Variants in NR3C2 observed in about 807,000 individuals in gnomAD.
The protein encoded by NR3C2 is nuclear receptor subfamily 3 group C member 2, also known as mineralocorticoid receptor.
Under a neutral mutation model 86.4 loss-of-function variants are expected in NR3C2, and 15 were observed. That is an observed-to-expected ratio of 0.17 (90% CI 0.12 to 0.27). NR3C2 has a LOEUF of 0.27. Among genes scored for constraint, NR3C2 ranks in the 10% least tolerant of loss-of-function variants. The probability of loss-of-function intolerance (pLI) is 1.00; values close to 1 mark genes in which losing one functional copy is unlikely to be tolerated. For synonymous variants in NR3C2, 458 were observed against 450.5 expected (o/e 1.02, Z -0.21); for missense variants, 960 against 1,195.6 (o/e 0.80, Z 2.91).
At chr4:148,393,219 T>G (rs1329322135) in intron 2 of NR3C2, among the ~76,000 whole-genome samples, 2 of 152,196 alleles carry the variant, frequency 1.3e-5, no homozygotes, top group Non-Finnish European at 2.9e-5. Context: ...CCTGACATTT[T>G]TTAGTAGGGA....
At chr4:148,247,415 T>C (rs1739369447) in intron 3 of NR3C2, among the ~76,000 whole-genome samples, 1 of 152,170 alleles carries the variant, frequency 6.6e-6, no homozygotes, top group Non-Finnish European at 1.5e-5. Context: ...GTGAACTGAG[T>C]TCAGTAGTGG....
At chr4:148,265,647 A>G (rs1264987830) in intron 2 of NR3C2, among the ~76,000 whole-genome samples, 1 of 152,240 alleles carries the variant, frequency 6.6e-6, no homozygotes, top group Non-Finnish European at 1.5e-5. Flanking sequence ...ACTTAATCAG[A>G]TAAAAGCTTC....
At chr4:148,381,946 CACT>C (rs1747014081) in intron 2 of NR3C2, among the ~76,000 whole-genome samples, 1 of 152,176 alleles carries the variant, frequency 6.6e-6, no homozygotes, top group African/African-American at 2.4e-5. Context: ...TTTCCCACAC[CACT>C]GTCATTTACC....
At chr4:148,088,931 GTAGT>G (rs1457487010) in intron 8 of NR3C2, among the ~76,000 whole-genome samples, 3 of 151,788 alleles carry the variant, frequency 2.0e-5, no homozygotes, top group Non-Finnish European at 4.4e-5. Context: ...TAATTTTTCT[GTAGT>G]TAGTTCTATA....
chr4:148,237,227 TTTAAC>T (rs1224865938), intron 3 of NR3C2, among the ~76,000 whole-genome samples: 1 of 152,148 alleles, frequency 6.6e-6, no homozygotes, highest in Non-Finnish European at 1.5e-5. Context: ...AACTGGACAA[TTTAAC>T]TTTTTAAGAG....
At chr4:148,370,130 AC>A (rs1263870731) in intron 2 of NR3C2, among the ~76,000 whole-genome samples, 1 of 152,188 alleles carries the variant, frequency 6.6e-6, no homozygotes, top group African/African-American at 2.4e-5. Flanking sequence ...GTGCAAGACA[AC>A]TGGCCAGAGT....
In NR3C2 at chr4:148,323,600, C is replaced by T. The variant is rs961813039; in HGVS notation, c.1758-63483G>A. ...CTCGTGGTGCGCCGTTTTTTCAGCCCGTCGGAAAAGCGCAGTATTCGGGTG... is the reference window on the plus strand; with the variant it reads ...CTCGTGGTGCGCCGTTTTTTCAGCCTGTCGGAAAAGCGCAGTATTCGGGTG... On this transcript the variant is annotated intron_variant, in intron 2 of 8. Transcript: ENST00000358102. Among the ~76,000 whole-genome samples the T allele has an allele frequency of 3.2e-4, 48 of 152,086 alleles. 1 individual carries two copies. The highest frequency in any genetic ancestry group is 1.1e-3 in the African/African-American group (44 of 41,482).
chr4:148,169,346 T>C (rs572065474), intron 4 of NR3C2, among the ~76,000 whole-genome samples: 1 of 152,260 alleles, frequency 6.6e-6, no homozygotes, highest in African/African-American at 2.4e-5. Context: ...ATCTTGTATT[T>C]GCAGGGAGCT....
chr4:148,183,916 G>A (rs1735759898), intron 4 of NR3C2, among the ~76,000 whole-genome samples: 1 of 151,904 alleles, frequency 6.6e-6, no homozygotes. Context: ...ATGCTCCATG[G>A]CCCCAAGGGG....
At chr4:148,421,388 T>C (rs1273552895) in intron 2 of NR3C2, among the ~76,000 whole-genome samples, 1 of 152,238 alleles carries the variant, frequency 6.6e-6, no homozygotes, top group Non-Finnish European at 1.5e-5. Flanking sequence ...TATTCGTCTC[T>C]TTAAAATGTC....
chr4:148,340,423 G>A (rs1744695069), intron 2 of NR3C2, among the ~76,000 whole-genome samples: 1 of 152,100 alleles, frequency 6.6e-6, no homozygotes, highest in Non-Finnish European at 1.5e-5. Flanking sequence ...GAAAAACTGA[G>A]TAAGTACATG....
Position 148,290,453 on chromosome 4 carries a change from T to C in NR3C2, c.1758-30336A>G, listed in dbSNP as rs551196681. 3.3e-4 allele frequency among the ~76,000 whole-genome samples: 50 copies of C among 152,178 alleles called. 2 individuals carry two copies. In the South Asian group the frequency reaches 0.01, roughly 32 times the overall value. On this transcript the variant is annotated intron_variant, in intron 2 of 8. Coordinates refer to ENST00000358102, the MANE Select transcript of NR3C2 (RefSeq NM_000901.5). ...TTTTGAATTCTTGAACTACAGAAAATGTGAGATAGTAAAGGTTGTTTCAAG... is the reference window on the plus strand; with the variant it reads ...TTTTGAATTCTTGAACTACAGAAAACGTGAGATAGTAAAGGTTGTTTCAAG...
At chr4:148,136,075 A>AAAC (rs1560939989) in intron 6 of NR3C2, among the ~76,000 whole-genome samples, 1 of 42,000 alleles carries the variant, frequency 2.4e-5, no homozygotes, top group Admixed American at 2.6e-4. Flanking sequence ...AAAAAAAAAA[A>AAAC]ACAAAAAAAA....
intron 4 of NR3C2, among the ~76,000 whole-genome samples, chr4:148,187,012 A>G (rs1222613784): frequency 3.0e-5 from 2 of 66,630 alleles, no homozygotes. Context: ...ATATATATAT[A>G]TATATATATA....
chr4:148,361,863 G>C (rs1224878211), intron 2 of NR3C2, among the ~76,000 whole-genome samples: 2 of 145,134 alleles, frequency 1.4e-5, no homozygotes, highest in Non-Finnish European at 3.1e-5. Context: ...TTGAGACAGA[G>C]TTTCACTCCT....
Position 148,119,520 on chromosome 4 carries a change from G to A in NR3C2, c.2641+638C>T, listed in dbSNP as rs538315920. On this transcript the variant is annotated intron_variant, in intron 7 of 8. Coordinates refer to ENST00000358102, the MANE Select transcript of NR3C2 (RefSeq NM_000901.5). ...GTATTAAAGATATCTTTGGCCAGGC[G>A]TGGTGGCTCACGCCTATAATCTCAG... Among the ~76,000 whole-genome samples, 7 of 152,248 alleles carry A rather than the reference G, an allele frequency of 4.6e-5. No individual in the cohort carries two copies. The South Asian group carries it at 1.5e-3, about 32-fold the overall frequency.
At chr4:148,099,550 G>A (rs1479029907) in intron 8 of NR3C2, among the ~76,000 whole-genome samples, 2 of 152,172 alleles carry the variant, frequency 1.3e-5, no homozygotes, top group East Asian at 3.8e-4. Context: ...TTTTTATAGA[G>A]AAAGGAATTA....
intron 2 of NR3C2, among the ~76,000 whole-genome samples, chr4:148,371,023 T>C (rs1746390271): frequency 6.6e-6 from 1 of 152,182 alleles, no homozygotes; most frequent in African/African-American, 2.4e-5. Flanking sequence ...TGTGCCACCA[T>C]GTCTGGCTCC....
At chr4:148,321,617 T>C (rs1271877079) in intron 2 of NR3C2, among the ~76,000 whole-genome samples, 3 of 152,084 alleles carry the variant, frequency 2.0e-5, no homozygotes, top group East Asian at 1.9e-4. Context: ...GAATTGATCC[T>C]TTTACCATTA....
Sources: gnomAD v4.1 joint callset for allele counts (sites outside exome capture counted in the v4.1 genomes callset) on GRCh38, gnomAD v4.1.1 for gene constraint, MANE v1.5 for transcripts, NCBI Gene and HGNC (gene_info 2026-07-23, HGNC 2026-07-21) for gene names.